IL21: variants seen among roughly 807,000 people sequenced by gnomAD.
IL21 encodes the protein interleukin 21.
A neutral mutation model predicts 18.4 loss-of-function variants in IL21; 3 were observed. The ratio of observed to expected loss-of-function variants is 0.16; its 90% CI spans 0.07 to 0.42. IL21 has a LOEUF of 0.42. IL21 is among the 10% of genes least tolerant of loss of function. IL21 has a pLI of 0.99. For synonymous variants in IL21, 37 were observed against 62.0 expected (o/e 0.60, Z 1.90); for missense variants, 130 against 188.4 (o/e 0.69, Z 1.81).
In IL21 at chr4:122,620,912, G is replaced by A. The variant is rs1216808032; in HGVS notation, c.100C>T (p.Arg34Cys). ...VHKSSSQGQD[R>C]HMIRMRQLID... ...AGTTGACGCATTCTAATCATGTGGCGATCTTGACCTTGGGAGCTTGATTTG... is the reference window on the plus strand; with the variant it reads ...AGTTGACGCATTCTAATCATGTGGCAATCTTGACCTTGGGAGCTTGATTTG... The change falls in exon 1 of 5, where the codon CGC becomes TGC. Residue 34 changes from arginine (R) to cysteine (C), a missense_variant. Transcript: ENST00000648588. 3.1e-6 allele frequency: 5 copies of A among 1,614,016 alleles called. No homozygotes were observed. The highest frequency in any genetic ancestry group is 2.2e-5 in the East Asian group (1 of 44,876).
intron 3 of IL21, among the ~76,000 whole-genome samples, 154 bp downstream of exon 3, chr4:122,615,527 TA>T (rs10530157): frequency 6.4e-4 from 91 of 143,228 alleles, no homozygotes; most frequent in Non-Finnish European, 7.5e-4. Flanking sequence ...GACTCTGTCT[TA>T]AAAAAAAAAA....
intron 4 of IL21, 45 bp from the exon 5 acceptor site, chr4:122,612,805 T>C: frequency 1.2e-6 from 2 of 1,612,668 alleles, no homozygotes; most frequent in Non-Finnish European, 1.7e-6. Flanking sequence ...CAAATCTGGA[T>C]AGGTAAAGAT....
At chr4:122,615,613 T>C (rs1799326166) in intron 3 of IL21, 69 bp downstream of exon 3, 18 of 1,391,630 alleles carry the variant, frequency 1.3e-5, no homozygotes, top group Non-Finnish European at 1.8e-5. Flanking sequence ...GGTGTGTGTG[T>C]ATGTTTATGT....
chr4:122,620,716 A>G lies in IL21; in HGVS notation c.189T>C (p.Ala63=). The G allele has an allele frequency of 6.2e-7, 1 of 1,613,334 alleles. No individual in the cohort carries two copies. Among genetic ancestry groups the G allele is most frequent in the Non-Finnish European group, 8.5e-7 (1 of 1,179,762 alleles). The change falls in exon 2 of 5, where the codon GCT becomes GCC. Residue 63 remains alanine, a synonymous_variant. Transcript: ENST00000648588. ...CTGGTCTTACCTCTACATCTTCTGG[A>G]GCTGGCAGAAATTCAGGGACCTAGA... The part of the protein sequence containing the change: ...VNDLVPEFLP[A]PEDVETNCEW...
chr4:122,611,191 T>C lies in IL21; in HGVS notation c.*1519A>G, dbSNP rs1799259021. ...ATTTGAAACTGAGGCACATTTTAGATATATATTATCATCATCAGGCACATA... is the reference window on the plus strand; with the variant it reads ...ATTTGAAACTGAGGCACATTTTAGACATATATTATCATCATCAGGCACATA... On this transcript the variant is annotated 3_prime_UTR_variant, in exon 5 of 5. Transcript: ENST00000648588. 6.6e-6 allele frequency among the ~76,000 whole-genome samples: 1 copy of C among 152,224 alleles called. No homozygotes were observed. The highest frequency in any genetic ancestry group is 2.4e-5 in the African/African-American group (1 of 41,462).
At chr4:122,615,564 T>A in intron 3 of IL21, 118 bp downstream of exon 3, 1 of 797,444 alleles carries the variant, frequency 1.3e-6, no homozygotes, top group Non-Finnish European at 2.0e-6. Context: ...TAATAAGGCA[T>A]AACTATAGGT....
At chr4:122,618,459 T>G (rs1238523215) in intron 2 of IL21, among the ~76,000 whole-genome samples, 1 of 152,020 alleles carries the variant, frequency 6.6e-6, no homozygotes, top group African/African-American at 2.4e-5. Context: ...TTTTTCCTTT[T>G]GCAAAGAAAG....
Position 122,611,269 on chromosome 4 carries a change from A to C in IL21, c.*1441T>G, listed in dbSNP as rs1319001643. 2.0e-5 allele frequency among the ~76,000 whole-genome samples: 3 copies of C among 152,110 alleles called. No homozygotes were observed. Among genetic ancestry groups the C allele is most frequent in the Admixed American group, 6.6e-5 (1 of 15,262 alleles). ...GTTAAAACAGAGTACCTTGTTTCTG[A>C]TGATAAATTTTTTTTTCTTTTTTCT... On this transcript the variant is annotated 3_prime_UTR_variant, in exon 5 of 5. Coordinates refer to ENST00000648588, the MANE Select transcript of IL21 (RefSeq NM_021803.4).
intron 3 of IL21, among the ~76,000 whole-genome samples, chr4:122,613,346 A>AAT (rs1799288582): frequency 7.5e-6 from 1 of 133,518 alleles, no homozygotes; most frequent in South Asian, 2.6e-4. Flanking sequence ...GTTGCATCTA[A>AAT]CTTTTTTTTT....
At chr4:122,615,394 G>A (rs555505123) in intron 3 of IL21, among the ~76,000 whole-genome samples, 7 of 152,196 alleles carry the variant, frequency 4.6e-5, no homozygotes, top group South Asian at 2.1e-4. Flanking sequence ...GCATGGTGGC[G>A]GGCACCTGTA....
At chr4:122,616,148 G>T (rs150556395) in intron 2 of IL21, among the ~76,000 whole-genome samples, 1 of 152,170 alleles carries the variant, frequency 6.6e-6, no homozygotes, top group Non-Finnish European at 1.5e-5. Context: ...GAGTTAGTTC[G>T]GTTTAGGACA....
At chr4:122,620,358 A>G (rs1435595670) in intron 2 of IL21, among the ~76,000 whole-genome samples, 1 of 152,210 alleles carries the variant, frequency 6.6e-6, no homozygotes, top group Non-Finnish European at 1.5e-5. Context: ...TTCATGCCCA[A>G]GGGCTCTTAA....
rs1010359422 is a variant in IL21 at position 122,610,115 on chromosome 4, C to T, written c.*2595G>A. Among the ~76,000 whole-genome samples the T allele has an allele frequency of 1.6e-4, 24 of 151,996 alleles. No homozygotes were observed. The highest frequency in any genetic ancestry group is 3.9e-4 in the East Asian group (2 of 5,182). On this transcript the variant is annotated 3_prime_UTR_variant, in exon 5 of 5. Transcript: ENST00000648588. ...AATCACAAAAGACGGTTGTACTGGG[C>T]GGGTAGTATTTAATATGATCAGGTC... is the stretch of plus-strand genomic sequence containing the variant.
At position 122,610,465 on chromosome 4, in the gene IL21, T is replaced by C. The variant is rs45491791; in HGVS notation, c.*2245A>G. Among the ~76,000 whole-genome samples, 38,285 of 151,974 alleles carry C rather than the reference T, an allele frequency of 0.25. 5,475 individuals are homozygous for C. The highest frequency in any genetic ancestry group is 0.52 in the Middle Eastern group (152 of 294). On this transcript the variant is annotated 3_prime_UTR_variant, in exon 5 of 5. Transcript: ENST00000648588. Reference sequence around the variant, plus strand: ...GCAGTGAGTGTTGCTACAAATGTTATTGAAATAATACTGAGCAACTGAACA... The same window carrying C: ...GCAGTGAGTGTTGCTACAAATGTTACTGAAATAATACTGAGCAACTGAACA...
chr4:122,620,872 T>A lies in IL21; in HGVS notation c.140A>T (p.Asp47Val). 6.2e-7 allele frequency: 1 copy of A among 1,614,098 alleles called. No homozygotes were observed. The highest frequency in any genetic ancestry group is 8.5e-7 in the Non-Finnish European group (1 of 1,179,954). Reference protein sequence around the residue: ...IRMRQLIDIVDQLKNYVNDLV... With the variant: ...IRMRQLIDIVVQLKNYVNDLV... The stretch of plus-strand genomic sequence containing the variant: ...GTCATTCACATAATTTTTCAGCTGA[T>A]CAACAATATCTATAAGTTGACGCAT... The change falls in exon 1 of 5, where the codon GAT becomes GTT. Residue 47 changes from aspartate (D) to valine (V), a missense_variant. Transcript: ENST00000648588.
At chr4:122,612,953 GTCT>G (rs1447034241) in intron 3 of IL21, 25 bp from the exon 4 acceptor site, 2 of 1,423,920 alleles carry the variant, frequency 1.4e-6, no homozygotes, top group Non-Finnish European at 1.9e-6. Flanking sequence ...AAAAGTAACA[GTCT>G]TCTTTAAAAT....
At chr4:122,615,905 A>G (rs549662982) in intron 2 of IL21, 68 bp from the exon 3 acceptor site, 1 of 1,334,514 alleles carries the variant, frequency 7.5e-7, no homozygotes, top group African/African-American at 1.5e-5. Context: ...AGCTTTCCCA[A>G]TCCTCTATTT....
At chr4:122,618,133 C>G (rs1799365115) in intron 2 of IL21, among the ~76,000 whole-genome samples, 1 of 152,212 alleles carries the variant, frequency 6.6e-6, no homozygotes, top group African/African-American at 2.4e-5. Flanking sequence ...GTTTTGCAGA[C>G]TAGAAGGAGC....
At position 122,611,255 on chromosome 4, in the gene IL21, G is replaced by T. The variant is rs1799260601; in HGVS notation, c.*1455C>A. On this transcript the variant is annotated 3_prime_UTR_variant, in exon 5 of 5. Transcript: ENST00000648588. ...ACATGTTCTAAAATGTTAAAACAGA[G>T]TACCTTGTTTCTGATGATAAATTTT... Among the ~76,000 whole-genome samples the T allele has an allele frequency of 1.3e-5, 2 of 152,096 alleles. No individual in the cohort carries two copies. Among genetic ancestry groups the T allele is most frequent in the Non-Finnish European group, 2.9e-5 (2 of 68,006 alleles).
Sources: allele counts gnomAD v4.1 joint callset (sites outside exome capture counted in the v4.1 genomes callset), GRCh38; gene constraint gnomAD v4.1.1; transcripts MANE v1.5; gene names NCBI Gene and HGNC (gene_info 2026-07-23, HGNC 2026-07-21).